RELL1: variants seen among roughly 807,000 people sequenced by gnomAD.
RELL1 encodes RELT like 1, also known as RELT-like protein 1.
A neutral mutation model predicts 23.0 loss-of-function variants in RELL1; 10 were observed. That is an observed-to-expected ratio of 0.43 (90% confidence interval 0.27 to 0.74). The LOEUF is 0.74. Ranked by LOEUF, RELL1 falls within the 30% of genes least tolerant of loss-of-function variation. RELL1 has a pLI of 0.19. For synonymous variants in RELL1, 146 were observed against 146.8 expected (o/e 0.99, Z 0.04); for missense variants, 315 against 364.4 (o/e 0.86, Z 1.10).
At position 37,643,960 on chromosome 4, in the gene RELL1, T is replaced by C. The variant is rs139575523; in HGVS notation, c.385+3408A>G. 1.1e-3 allele frequency among the ~76,000 whole-genome samples: 169 copies of C among 152,206 alleles called. 3 individuals are homozygous for C. The East Asian group carries it at 0.031, about 28-fold the overall frequency. ...AAAGGATTGGAGTCACCAGCTGTCCTCACGGGCCCCTGGAGAAACCGCAGG... is the reference window on the plus strand; with the variant it reads ...AAAGGATTGGAGTCACCAGCTGTCCCCACGGGCCCCTGGAGAAACCGCAGG... On this transcript the variant is annotated intron_variant, in intron 3 of 6. Transcript: ENST00000454158.
chr4:37,638,905 T>C (rs576722788), intron 3 of RELL1, among the ~76,000 whole-genome samples: 25 of 152,346 alleles, frequency 1.6e-4, no homozygotes, highest in Admixed American at 1.3e-3. Flanking sequence ...AAAAATATGA[T>C]AGTGAAATGT....
intron 6 of RELL1, among the ~76,000 whole-genome samples, chr4:37,599,227 G>T (rs983680330): frequency 6.6e-6 from 1 of 152,176 alleles, no homozygotes; most frequent in Non-Finnish European, 1.5e-5. Context: ...CCAACGTGCC[G>T]CAAGTCAATA....
chr4:37,617,396 A>G (rs1425530974), intron 6 of RELL1, among the ~76,000 whole-genome samples: 1 of 152,234 alleles, frequency 6.6e-6, no homozygotes, highest in Non-Finnish European at 1.5e-5. Flanking sequence ...ACACAACACT[A>G]TAAAGTCAGC....
intron 6 of RELL1, among the ~76,000 whole-genome samples, chr4:37,604,651 T>C (rs1376261274): frequency 6.6e-6 from 1 of 152,096 alleles, no homozygotes; most frequent in Non-Finnish European, 1.5e-5. Flanking sequence ...GACTCTGTGT[T>C]ACAAATGAGT....
At chr4:37,600,863 A>AT (rs1718998755) in intron 6 of RELL1, among the ~76,000 whole-genome samples, 1 of 151,658 alleles carries the variant, frequency 6.6e-6, no homozygotes, top group African/African-American at 2.4e-5. Context: ...AAACCCATAT[A>AT]TTTTTTCAAT....
At chr4:37,681,822 C>T (rs944898152) in intron 1 of RELL1, among the ~76,000 whole-genome samples, 2 of 152,032 alleles carry the variant, frequency 1.3e-5, no homozygotes, top group South Asian at 2.1e-4. Flanking sequence ...CCACTGCACC[C>T]GGCTTCCTTC....
chr4:37,612,636 CAAAAAAA>C lies in RELL1; in HGVS notation c.*703_*709del, dbSNP rs978165271. Reference sequence around the variant, plus strand: ...TAGGGGACACAGCGAGACTCTGCCTCAAAAAAAAAAAAAAAAAAACCTTCTCAAAATG... The same window carrying C: ...TAGGGGACACAGCGAGACTCTGCCTCAAAAAAAAAAAACCTTCTCAAAATG... On this transcript the variant is annotated 3_prime_UTR_variant, in exon 7 of 7. Transcript: ENST00000454158. Among the ~76,000 whole-genome samples the C allele has an allele frequency of 8.3e-5, 5 of 60,174 alleles. No individual in the cohort carries two copies. In the South Asian group the frequency reaches 2.3e-3, roughly 28 times the overall value. The allele number at this position is 60,174 out of a possible 152,430, so 39.5% of individuals were successfully genotyped here.
Position 37,612,679 on chromosome 4 carries a change from G to A in RELL1, c.*667C>T, listed in dbSNP as rs925420170. 2.0e-5 allele frequency among the ~76,000 whole-genome samples: 3 copies of A among 150,844 alleles called. No homozygotes were observed. On this transcript the variant is annotated 3_prime_UTR_variant, in exon 7 of 7. Coordinates refer to ENST00000454158, the MANE Select transcript of RELL1 (RefSeq NM_001085400.2). Reference sequence around the variant, plus strand: ...AACCTTCTCAAAATGTGTAAGTGCTGTAGGAGTGACATGGTGGTGGCAGGA... The same window carrying A: ...AACCTTCTCAAAATGTGTAAGTGCTATAGGAGTGACATGGTGGTGGCAGGA...
At chr4:37,671,549 C>G (rs886746882) in intron 1 of RELL1, among the ~76,000 whole-genome samples, 13 of 152,158 alleles carry the variant, frequency 8.5e-5, no homozygotes, top group South Asian at 2.1e-4. Context: ...AGCACCATGA[C>G]AGTTTACAGA....
At chr4:37,661,337 T>G (rs1721349918) in intron 1 of RELL1, among the ~76,000 whole-genome samples, 1 of 152,152 alleles carries the variant, frequency 6.6e-6, no homozygotes, top group Non-Finnish European at 1.5e-5. Flanking sequence ...CAGAGTGCAG[T>G]AGCACAATCT....
At chr4:37,655,246 T>C (rs1721080584) in intron 1 of RELL1, among the ~76,000 whole-genome samples, 1 of 150,884 alleles carries the variant, frequency 6.6e-6, no homozygotes, top group African/African-American at 2.4e-5. Flanking sequence ...ATGGGAAATA[T>C]ATATATATAT....
chr4:37,594,267 A>C (rs1457773349), intron 6 of RELL1, among the ~76,000 whole-genome samples: 2 of 152,208 alleles, frequency 1.3e-5, no homozygotes, highest in Non-Finnish European at 2.9e-5. Flanking sequence ...GAGCTGTCTG[A>C]GCACGCTTAT....
downstream of RELL1, among the ~76,000 whole-genome samples, chr4:37,607,526 G>A (rs139126074): frequency 5.9e-5 from 9 of 151,526 alleles, no homozygotes; most frequent in East Asian, 5.8e-4. Context: ...TGAACCGTAC[G>A]TGTGTGGCAA....
At chr4:37,613,883 T>C (rs1378872910) in intron 6 of RELL1, among the ~76,000 whole-genome samples, 1 of 152,250 alleles carries the variant, frequency 6.6e-6, no homozygotes, top group Non-Finnish European at 1.5e-5. Context: ...GCTTTTCAAA[T>C]GACTTTCTAT....
At chr4:37,615,381 A>G (rs963197834) in intron 6 of RELL1, among the ~76,000 whole-genome samples, 1 of 152,224 alleles carries the variant, frequency 6.6e-6, no homozygotes, top group Non-Finnish European at 1.5e-5. Flanking sequence ...ACAAACACAC[A>G]TTTATTAGAA....
intron 6 of RELL1, among the ~76,000 whole-genome samples, chr4:37,623,692 T>C (rs1315996883): frequency 6.6e-6 from 1 of 152,054 alleles, no homozygotes; most frequent in African/African-American, 2.4e-5. Context: ...GTGGGCTCAG[T>C]CTCCCACACA....
chr4:37,670,061 A>G lies in RELL1; in HGVS notation c.88+16139T>C, dbSNP rs190284929. Among the ~76,000 whole-genome samples, 421 of 150,630 alleles carry G rather than the reference A, an allele frequency of 2.8e-3. 3 individuals are homozygous for G. Among genetic ancestry groups the G allele is most frequent in the African/African-American group, 9.7e-3 (403 of 41,418 alleles). On this transcript the variant is annotated intron_variant, in intron 1 of 6. Coordinates refer to ENST00000454158, the MANE Select transcript of RELL1 (RefSeq NM_001085400.2). ...AAAAAATAAATAAATAAATATAAAA[A>G]AAAAAAAAAGAAAGAAAAAAAGGAA...
intron 1 of RELL1, among the ~76,000 whole-genome samples, chr4:37,679,989 A>G (rs1441396596): frequency 6.6e-6 from 1 of 152,190 alleles, no homozygotes; most frequent in East Asian, 1.9e-4. Flanking sequence ...GTTCAAGTTA[A>G]GTTTTACAAC....
chr4:37,659,591 C>CT lies in RELL1; in HGVS notation c.89-10092dup, dbSNP rs1267812626. ...TCAAAAGGGGTTTTTCTTCATCCAC[C>CT]TTTGCCACCAGCTACCTCTGTGATA... On this transcript the variant is annotated intron_variant, in intron 1 of 6. Transcript: ENST00000454158. 3.9e-5 allele frequency among the ~76,000 whole-genome samples: 6 copies of CT among 152,224 alleles called. No homozygotes were observed. The East Asian group carries it at 9.7e-4, about 25-fold the overall frequency.
Sources: allele counts gnomAD v4.1 joint callset (sites outside exome capture counted in the v4.1 genomes callset), GRCh38; gene constraint gnomAD v4.1.1; transcripts MANE v1.5; gene names NCBI Gene and HGNC (gene_info 2026-07-23, HGNC 2026-07-21).